The following CDH8 variants were observed in gnomAD, a reference collection of about 807,000 sequenced individuals.
CDH8 encodes the protein cadherin 8.
In CDH8, 17 loss-of-function variants were observed where a neutral mutation model predicts 68.1. The ratio of observed to expected loss-of-function variants is 0.25; its 90% CI spans 0.17 to 0.37. CDH8 has a LOEUF of 0.37. Among genes scored for constraint, CDH8 ranks in the 10% least tolerant of loss-of-function variants. The pLI is 1.00. For synonymous variants in CDH8, 372 were observed against 365.1 expected, an observed-to-expected ratio of 1.02 and a Z score of -0.21; for missense variants, 763 against 999.3, an observed-to-expected ratio of 0.76 and a Z score of 3.19.
intron 10 of CDH8, among the ~76,000 whole-genome samples, chr16:61,671,028 T>C (rs1005617973): frequency 6.6e-6 from 1 of 152,056 alleles, no homozygotes; most frequent in African/African-American, 2.4e-5. Flanking sequence ...AACTATTGCA[T>C]CTGATCCACC....
At chr16:61,738,996 A>G (rs895562577) in intron 8 of CDH8, among the ~76,000 whole-genome samples, 3 of 152,120 alleles carry the variant, frequency 2.0e-5, no homozygotes, top group Non-Finnish European at 4.4e-5. Flanking sequence ...CCATGGTGCA[A>G]CAGGTAAAGA....
chr16:61,831,403 G>T (rs888882290), intron 4 of CDH8, among the ~76,000 whole-genome samples: 5 of 151,684 alleles, frequency 3.3e-5, no homozygotes, highest in African/African-American at 1.2e-4. Context: ...CTGTATTTAA[G>T]ATATGATTTT....
intron 8 of CDH8, among the ~76,000 whole-genome samples, chr16:61,780,809 C>T (rs541853317): frequency 6.6e-5 from 10 of 152,224 alleles, no homozygotes; most frequent in Admixed American, 1.3e-4. Context: ...TCTCTGTGAT[C>T]TTATGATTTC....
chr16:61,936,854 A>G (rs1964635097), intron 2 of CDH8, among the ~76,000 whole-genome samples: 1 of 152,204 alleles, frequency 6.6e-6, no homozygotes, highest in Admixed American at 6.5e-5. Context: ...GTCTAATTCT[A>G]TAGTTTATTA....
At chr16:61,788,328 T>C (rs1290540915) in intron 8 of CDH8, among the ~76,000 whole-genome samples, 1 of 152,116 alleles carries the variant, frequency 6.6e-6, no homozygotes, top group Non-Finnish European at 1.5e-5. Context: ...TTTTAGGGCA[T>C]ATTTCCTATA....
intron 3 of CDH8, among the ~76,000 whole-genome samples, chr16:61,884,557 AGAGACAGG>A (rs1963637464): frequency 6.6e-6 from 1 of 151,950 alleles, no homozygotes; most frequent in African/African-American, 2.4e-5. Context: ...TATTTTTAGT[AGAGACAGG>A]GTTTCACCAT....
intron 2 of CDH8, among the ~76,000 whole-genome samples, chr16:61,981,084 G>T (rs948659526): frequency 6.6e-6 from 1 of 152,060 alleles, no homozygotes; most frequent in Non-Finnish European, 1.5e-5. Context: ...CACTCAGAAA[G>T]AACTTAGAAA....
chr16:61,699,635 C>G (rs1567429292), intron 10 of CDH8, among the ~76,000 whole-genome samples: 1 of 152,142 alleles, frequency 6.6e-6, no homozygotes, highest in Admixed American at 6.6e-5. Flanking sequence ...AGTACAATGG[C>G]ATGATCTTGG....
At chr16:61,929,240 T>G (rs148977606) in intron 2 of CDH8, among the ~76,000 whole-genome samples, 1 of 152,162 alleles carries the variant, frequency 6.6e-6, no homozygotes, top group Non-Finnish European at 1.5e-5. Flanking sequence ...TGTAAACTCC[T>G]GTGTTATGTA....
At chr16:61,826,627 G>A (rs1351919519) in intron 4 of CDH8, among the ~76,000 whole-genome samples, 1 of 151,084 alleles carries the variant, frequency 6.6e-6, no homozygotes, top group Non-Finnish European at 1.5e-5. Context: ...GGCCACTTCT[G>A]AAGTTGTAAT....
intron 1 of CDH8, among the ~76,000 whole-genome samples, chr16:62,024,312 T>A (rs368757944): frequency 1.0e-3 from 156 of 152,038 alleles, no homozygotes; most frequent in African/African-American, 3.7e-3. Flanking sequence ...ATCTGACAGG[T>A]TGGTTTTGAG....
chr16:61,774,597 G>A (rs569059216), intron 8 of CDH8, among the ~76,000 whole-genome samples: 7 of 150,366 alleles, frequency 4.7e-5, no homozygotes, highest in Admixed American at 1.3e-4. Context: ...AATAGTGTCT[G>A]TTTGGAGTTA....
chr16:61,660,128 A>AAC (rs1963526598), intron 10 of CDH8, among the ~76,000 whole-genome samples: 1 of 152,132 alleles, frequency 6.6e-6, no homozygotes, highest in African/African-American at 2.4e-5. Flanking sequence ...ACTTCACTAA[A>AAC]ACAACCCAGC....
At chr16:61,807,253 A>G (rs945922708) in intron 7 of CDH8, among the ~76,000 whole-genome samples, 4 of 148,234 alleles carry the variant, frequency 2.7e-5, no homozygotes, top group Non-Finnish European at 5.9e-5. Flanking sequence ...ATTCTCACTC[A>G]TAGGTGGGAA....
At chr16:61,748,592 G>A (rs964393095) in intron 8 of CDH8, among the ~76,000 whole-genome samples, 2 of 152,000 alleles carry the variant, frequency 1.3e-5, no homozygotes, top group Admixed American at 6.6e-5. Context: ...GAAAAAAAAA[G>A]GGAAATGTTG....
intron 2 of CDH8, among the ~76,000 whole-genome samples, chr16:61,968,281 G>A (rs1965286506): frequency 6.6e-6 from 1 of 152,202 alleles, no homozygotes; most frequent in Admixed American, 6.5e-5. Flanking sequence ...AGTATCTGAA[G>A]GTTTTTCCTC....
intron 8 of CDH8, among the ~76,000 whole-genome samples, chr16:61,749,764 G>A (rs554714450): frequency 1.2e-4 from 18 of 152,034 alleles, no homozygotes; most frequent in African/African-American, 4.1e-4. Context: ...ACCTTCCTCT[G>A]AGATCCTGAT....
At chr16:61,838,709 G>T (rs574892827) in intron 4 of CDH8, among the ~76,000 whole-genome samples, 49 of 152,208 alleles carry the variant, frequency 3.2e-4, no homozygotes, top group Non-Finnish European at 3.1e-4. Context: ...ATCTGTAGAA[G>T]TAACCTATAT....
intron 6 of CDH8, among the ~76,000 whole-genome samples, chr16:61,820,321 T>G (rs796169553): frequency 1.4e-5 from 2 of 147,164 alleles, no homozygotes; most frequent in Non-Finnish European, 3.0e-5. Context: ...TTGGTTTTTT[T>G]TTTTTTTTTT....
Sources: allele counts gnomAD v4.1 joint callset (sites outside exome capture counted in the v4.1 genomes callset), GRCh38; gene constraint gnomAD v4.1.1; transcripts MANE v1.5; gene names NCBI Gene and HGNC (gene_info 2026-07-23, HGNC 2026-07-21).